Variants in CMIP observed in about 807,000 individuals in gnomAD.
CMIP encodes c-Maf inducing protein, also known as C-Maf-inducing protein.
Under a neutral mutation model 97.3 loss-of-function variants are expected in CMIP, and 13 were observed. That is an observed-to-expected ratio of 0.13 (90% CI 0.09 to 0.21). The LOEUF is 0.21. Ranked by LOEUF, CMIP falls within the 10% of genes least tolerant of loss-of-function variation. The pLI is 1.00. For missense variants in CMIP, 847 were observed against 1,024.9 expected (o/e 0.83, Z 2.37); for synonymous variants, 538 against 436.3 (o/e 1.23, Z -2.91).
intron 1 of CMIP, chr16:81,519,434 C>T (rs981236039): frequency 5.9e-5 from 9 of 152,392 alleles, no homozygotes; most frequent in Admixed American, 6.5e-5. Flanking sequence ...CTCAGAACTC[C>T]GTCAGCAGAG....
At chr16:81,570,746 C>T (rs1056519103) in intron 1 of CMIP, among the ~76,000 whole-genome samples, 4 of 152,280 alleles carry the variant, frequency 2.6e-5, no homozygotes, top group South Asian at 4.2e-4. Context: ...CTGTCTCTAG[C>T]GATCCCTGGT....
At chr16:81,454,715 G>C (rs1183533186) in intron 1 of CMIP, among the ~76,000 whole-genome samples, 1 of 152,184 alleles carries the variant, frequency 6.6e-6, no homozygotes, top group Non-Finnish European at 1.5e-5. Flanking sequence ...TAGTTAAATG[G>C]GGGTATTACA....
intron 17 of CMIP, 89 bp from the exon 18 acceptor site, chr16:81,703,850 G>A (rs1369191412): frequency 6.8e-6 from 10 of 1,481,258 alleles, no homozygotes; most frequent in South Asian, 6.6e-5. Context: ...TGTAGGGCGA[G>A]GGGAGAGGAG....
At chr16:81,593,669 G>A (rs906401256) in intron 1 of CMIP, among the ~76,000 whole-genome samples, 9 of 152,180 alleles carry the variant, frequency 5.9e-5, no homozygotes, top group African/African-American at 1.9e-4. Context: ...ACCACCTGGC[G>A]CGTCTGGGCA....
At chr16:81,640,770 GTC>G (rs1555542721) in intron 3 of CMIP, among the ~76,000 whole-genome samples, 88 of 135,718 alleles carry the variant, frequency 6.5e-4, no homozygotes, top group African/African-American at 2.1e-3. Context: ...GTGTGTGTGT[GTC>G]TCTCTCTCTC....
intron 1 of CMIP, among the ~76,000 whole-genome samples, chr16:81,498,315 C>T (rs1232836092): frequency 6.6e-6 from 1 of 152,230 alleles, no homozygotes; most frequent in African/African-American, 2.4e-5. Context: ...GGCACATTCT[C>T]TCCTTCCTTC....
At chr16:81,598,131 C>T (rs1444542716) in intron 1 of CMIP, among the ~76,000 whole-genome samples, 2 of 151,922 alleles carry the variant, frequency 1.3e-5, no homozygotes, top group African/African-American at 2.4e-5. Flanking sequence ...TGAATGTGCT[C>T]GGGAAGAAGG....
At position 81,579,972 on chromosome 16, in the gene CMIP, T is replaced by TA. The variant is rs954118718; in HGVS notation, c.301-27585dup. On this transcript the variant is annotated intron_variant, in intron 1 of 20. Transcript: ENST00000537098. ...GAGACTCCGTCTCAAAAAAAGAAAT[T>TA]AAAAAAAAAATGATATGACAGGTTT... is the stretch of plus-strand genomic sequence containing the variant. 5.3e-4 allele frequency among the ~76,000 whole-genome samples: 79 copies of TA among 149,972 alleles called. No individual in the cohort carries two copies. The South Asian group carries it at 0.012, about 23-fold the overall frequency.
chr16:81,504,258 A>G (rs1203979980), intron 1 of CMIP, among the ~76,000 whole-genome samples: 1 of 150,628 alleles, frequency 6.6e-6, no homozygotes. Context: ...CCCGGGAGGC[A>G]GAGGTTGCAG....
intron 3 of CMIP, among the ~76,000 whole-genome samples, chr16:81,644,646 T>A (rs2092343327): frequency 6.6e-6 from 1 of 152,246 alleles, no homozygotes; most frequent in African/African-American, 2.4e-5. Context: ...AAGCCATGGC[T>A]TGCTGGAGAT....
At chr16:81,531,173 G>A (rs529959688) in intron 1 of CMIP, among the ~76,000 whole-genome samples, 1 of 152,280 alleles carries the variant, frequency 6.6e-6, no homozygotes, top group Admixed American at 6.5e-5. Context: ...CAGTGACTGT[G>A]TCCGTAAAAG....
chr16:81,455,287 G>A (rs1348227719), intron 1 of CMIP, among the ~76,000 whole-genome samples: 2 of 152,168 alleles, frequency 1.3e-5, no homozygotes, highest in Non-Finnish European at 1.5e-5. Flanking sequence ...TCTTGCCAGG[G>A]GCTATGCTAT....
At chr16:81,692,234 A>G (rs1906168863) in intron 11 of CMIP, among the ~76,000 whole-genome samples, 2 of 152,204 alleles carry the variant, frequency 1.3e-5, no homozygotes, top group African/African-American at 2.4e-5. Context: ...ATCAAAAGAT[A>G]ATGCGCGTAG....
chr16:81,706,531 C>T (rs888717669), intron 19 of CMIP, among the ~76,000 whole-genome samples: 2 of 152,340 alleles, frequency 1.3e-5, no homozygotes, highest in Non-Finnish European at 2.9e-5. Flanking sequence ...GATTCCTGGT[C>T]CCTGCTGCGG....
chr16:81,533,279 A>G (rs1488011586), intron 1 of CMIP, among the ~76,000 whole-genome samples: 1 of 152,128 alleles, frequency 6.6e-6, no homozygotes, highest in Admixed American at 6.5e-5. Flanking sequence ...AGGGCCTGGC[A>G]CCTGCTAGAT....
intron 3 of CMIP, among the ~76,000 whole-genome samples, chr16:81,643,209 G>C (rs1208081014): frequency 6.6e-6 from 1 of 152,222 alleles, no homozygotes; most frequent in Non-Finnish European, 1.5e-5. Context: ...TTGCTGCTTA[G>C]AGGGCTCAAG....
chr16:81,631,495 C>T (rs1250400281), intron 3 of CMIP: 1 of 152,176 alleles, frequency 6.6e-6, no homozygotes, highest in Non-Finnish European at 1.5e-5. Flanking sequence ...TACCATTCAC[C>T]TGGGCCCCTC....
rs1287887711 is a variant in CMIP at position 81,616,726 on chromosome 16, A to C, written c.427-4150A>C. On this transcript the variant is annotated intron_variant, in intron 2 of 20. Coordinates refer to ENST00000537098, the MANE Select transcript of CMIP (RefSeq NM_198390.3). The surrounding 1 kb of genome is among the most constrained non-coding windows in gnomAD (Gnocchi z 4.7). ...GAAGGGGGTCACACCCTCCTATGGG[A>C]GGAAAGGCTTGGAAACCCAGATGGC... Among the ~76,000 whole-genome samples the C allele has an allele frequency of 6.6e-6, 1 of 152,120 alleles. No individual in the cohort carries two copies. The highest frequency in any genetic ancestry group is 2.4e-5 in the African/African-American group (1 of 41,438).
At chr16:81,469,515 G>A (rs558196403) in intron 1 of CMIP, among the ~76,000 whole-genome samples, 1 of 152,254 alleles carries the variant, frequency 6.6e-6, no homozygotes. Flanking sequence ...TATTACTGCC[G>A]TTACCACTGT....
Sources: gnomAD v4.1 joint callset for allele counts (sites outside exome capture counted in the v4.1 genomes callset) on GRCh38, gnomAD v4.1.1 for gene constraint, Gnocchi (gnomAD v3.1) non-coding constraint, MANE v1.5 for transcripts, NCBI Gene and HGNC (gene_info 2026-07-23, HGNC 2026-07-21) for gene names.